The following RGS3 variants were observed in gnomAD, a reference collection of about 807,000 sequenced individuals.
RGS3 encodes regulator of G-protein signalling 3.
RGS3 carries 80 observed loss-of-function variants against 132.6 expected under a neutral mutation model. The observed-to-expected ratio is 0.60, with a 90% CI of 0.50 to 0.73. The LOEUF (loss-of-function observed/expected upper bound fraction) is 0.73. RGS3 is among the 30% of genes least tolerant of loss of function. RGS3 has a pLI of 0.00. For synonymous variants in RGS3, 598 were observed against 620.6 expected (o/e 0.96, Z 0.54); for missense variants, 1,382 against 1,530.8 (o/e 0.90, Z 1.62).
intron 10 of RGS3, among the ~76,000 whole-genome samples, chr9:113,502,505 C>T (rs997675509): frequency 1.3e-5 from 2 of 152,228 alleles, no homozygotes; most frequent in African/African-American, 4.8e-5. Context: ...TCTCTCTAGC[C>T]CTCCCCCGCT....
intron 1 of RGS3, among the ~76,000 whole-genome samples, chr9:113,453,761 T>C (rs1253723857): frequency 1.4e-5 from 2 of 142,500 alleles, no homozygotes; most frequent in Admixed American, 7.3e-5. Context: ...ATATACTCAT[T>C]ATATGATTAT....
chr9:113,472,890 A>G lies in RGS3; in HGVS notation c.416-6601A>G, dbSNP rs531575605. On this transcript the variant is annotated intron_variant, in intron 3 of 24. Coordinates refer to ENST00000350696, the Ensembl canonical transcript of RGS3. ...TCTGTCTCTACAAAAAATACAAAAA[A>G]TTGGCCAGGTGTGGGTGGTGCATGC... 1.1e-4 allele frequency among the ~76,000 whole-genome samples: 16 copies of G among 152,138 alleles called. No homozygotes were observed. In the South Asian group the frequency reaches 3.3e-3, roughly 32 times the overall value.
rs1013274669 is a variant in RGS3, at chr9:113,544,484, T to C, written c.2037+7566T>C. Reference sequence around the variant, plus strand: ...ATATATGTCTTATATTTTTATTCTTTATTTTTCCCCATAAATTCTATTACC... The same window carrying C: ...ATATATGTCTTATATTTTTATTCTTCATTTTTCCCCATAAATTCTATTACC... On this transcript the variant is annotated intron_variant, in intron 19 of 24. Coordinates refer to ENST00000350696, the Ensembl canonical transcript of RGS3. Among the ~76,000 whole-genome samples the C allele has an allele frequency of 1.2e-4, 18 of 152,218 alleles. 1 individual carries two copies. The highest frequency in any genetic ancestry group is 5.9e-5 in the Non-Finnish European group (4 of 68,042).
At chr9:113,557,535 G>A (rs1231253921) in intron 19 of RGS3, among the ~76,000 whole-genome samples, 1 of 152,220 alleles carries the variant, frequency 6.6e-6, no homozygotes, top group East Asian at 1.9e-4. Context: ...GAATCACCTG[G>A]CTTGAGAATG....
At chr9:113,483,004 T>G (rs777972298) in intron 4 of RGS3, 55 bp from the exon 3 acceptor site, 28 of 1,471,710 alleles carry the variant, frequency 1.9e-5, no homozygotes, top group Non-Finnish European at 2.5e-5. Flanking sequence ...TCTTTCTCGC[T>G]GTGTGTGTGT....
chr9:113,583,172 A>G, intron 19 of RGS3: 1 of 508,654 alleles, frequency 2.0e-6, no homozygotes, highest in East Asian at 3.8e-5. Context: ...GGCACCTGCC[A>G]AAGCAGGAGC....
At chr9:113,571,279 G>A (rs1313545494) in intron 19 of RGS3, among the ~76,000 whole-genome samples, 1 of 152,210 alleles carries the variant, frequency 6.6e-6, no homozygotes, top group Non-Finnish European at 1.5e-5. Flanking sequence ...TTTTGCAATT[G>A]CTGAGTCATA....
At chr9:113,455,220 GT>G (rs1829340132) in intron 1 of RGS3, among the ~76,000 whole-genome samples, 1 of 152,170 alleles carries the variant, frequency 6.6e-6, no homozygotes, top group Admixed American at 6.6e-5. Flanking sequence ...AAAAACCATT[GT>G]TTCATATATT....
At chr9:113,589,483 C>G (rs946485673) in intron 20 of RGS3, among the ~76,000 whole-genome samples, 5 of 152,226 alleles carry the variant, frequency 3.3e-5, no homozygotes, top group Non-Finnish European at 7.3e-5. Flanking sequence ...ACTCTCCTCC[C>G]CACAGTGGAA....
In RGS3 at chr9:113,594,269, C is replaced by G. The variant is rs113405588; in HGVS notation, c.3081-161C>G. The stretch of plus-strand genomic sequence containing the variant: ...ATCTGCGGCCCCAAGGTGGGGGGCC[C>G]TACAGAGATGCTCCGAGGCATGTAC... On this transcript the variant is annotated intron_variant, in intron 21 of 24. Coordinates refer to ENST00000350696, the Ensembl canonical transcript of RGS3. 4,362 of 1,608,796 alleles carry G rather than the reference C, an allele frequency of 2.7e-3. 109 individuals carry two copies. In the African/African-American group the frequency reaches 0.051, roughly 19 times the overall value.
chr9:113,529,546 T>C (rs1452200534), intron 18 of RGS3, among the ~76,000 whole-genome samples: 7 of 152,214 alleles, frequency 4.6e-5, no homozygotes, highest in Admixed American at 3.9e-4. Context: ...TGCAGGAATC[T>C]CAGTGGGGGT....
intron 19 of RGS3, among the ~76,000 whole-genome samples, chr9:113,552,163 A>G (rs533433881): frequency 3.9e-5 from 6 of 152,248 alleles, no homozygotes; most frequent in South Asian, 2.1e-4. Flanking sequence ...ATTTTAATCA[A>G]TTGGGAATTT....
In RGS3 at chr9:113,539,676, G is replaced by T. The variant is rs150896231; in HGVS notation, c.2037+2758G>T. 8.5e-4 allele frequency among the ~76,000 whole-genome samples: 129 copies of T among 152,260 alleles called. 1 individual carries two copies. In the East Asian group the frequency reaches 0.021, roughly 24 times the overall value. On this transcript the variant is annotated intron_variant, in intron 19 of 24. Transcript: ENST00000350696. ...ACCCAAATGCCTCTCTGGGAAAAGG[G>T]GGTTTGTAAGGCAACTCCCCAAACT...
intron 19 of RGS3, among the ~76,000 whole-genome samples, chr9:113,580,225 C>G (rs1014300859): frequency 6.6e-6 from 1 of 152,242 alleles, no homozygotes; most frequent in African/African-American, 2.4e-5. Context: ...AGGCAGCACT[C>G]CAGGCTGTTC....
At chr9:113,466,113 A>AAT (rs1829632560) in intron 3 of RGS3, among the ~76,000 whole-genome samples, 1 of 152,218 alleles carries the variant, frequency 6.6e-6, no homozygotes, top group African/African-American at 2.4e-5. Flanking sequence ...GGAGCCTGAG[A>AAT]ATATGAACAC....
At chr9:113,583,338 C>T (rs961777699) in intron 19 of RGS3, 112 bp from the exon 18 acceptor site, 3 of 1,465,384 alleles carry the variant, frequency 2.0e-6, no homozygotes, top group African/African-American at 2.8e-5. Flanking sequence ...AGCTTTCAGA[C>T]TGGGGGCCCG....
At chr9:113,597,080 A>G (rs1835826224) in exon 25 of RGS3, 1 of 780,416 alleles carries the variant, frequency 1.3e-6, no homozygotes, top group South Asian at 1.8e-5. Context: ...ACAGACGGAT[A>G]GACATACGGA....
exon 25 of RGS3, chr9:113,596,829 G>A (rs1381617962): frequency 6.2e-7 from 1 of 1,613,762 alleles, no homozygotes; most frequent in Non-Finnish European, 8.5e-7. Context: ...GTCACGCGGG[G>A]CTGCTTCGAC....
rs761380263 is a variant in RGS3, at chr9:113,463,790, G to A, written c.415+1589G>A. 3 of 1,604,350 alleles carry A rather than the reference G, an allele frequency of 1.9e-6. No homozygotes were observed. Among genetic ancestry groups the A allele is most frequent in the Non-Finnish European group, 2.6e-6 (3 of 1,176,450 alleles). On this transcript the variant is annotated intron_variant, in intron 3 of 24. Transcript: ENST00000350696. This position sits in a 1 kb window ranked among gnomAD's most constrained non-coding sequence, Gnocchi z 4.6. ...GGTTGCAGACGCTCCTGTCCGGGTC[G>A]CAGTGGGACGCCATGGAGCGCTCCC...
Sources: gnomAD v4.1 joint callset for allele counts (sites outside exome capture counted in the v4.1 genomes callset) on GRCh38, gnomAD v4.1.1 for gene constraint, Gnocchi (gnomAD v3.1) non-coding constraint, MANE v1.5 for transcripts, NCBI Gene and HGNC (gene_info 2026-07-23, HGNC 2026-07-21) for gene names.